Variants in PTPN20 observed in about 807,000 individuals in gnomAD.
PTPN20 encodes the protein protein tyrosine phosphatase non-receptor type 20.
A neutral mutation model predicts 35.0 loss-of-function variants in PTPN20; 9 were observed. The ratio of observed to expected loss-of-function variants is 0.26; its 90% CI spans 0.15 to 0.45. PTPN20 has a LOEUF of 0.45. Among genes scored for constraint, PTPN20 ranks in the 20% least tolerant of loss-of-function variants. PTPN20 has a pLI of 1.00. For synonymous variants in PTPN20, 32 were observed against 100.2 expected (o/e 0.32, Z 4.06); for missense variants, 111 against 312.5 (o/e 0.36, Z 4.86).
intron 5 of PTPN20, among the ~76,000 whole-genome samples, chr10:46,954,385 C>T (rs1366004060): frequency 2.7e-5 from 4 of 149,240 alleles, no homozygotes; most frequent in Non-Finnish European, 5.9e-5. Flanking sequence ...CAAATACGGC[C>T]ACATATGGGC....
rs200154793 is a variant in PTPN20, at chr10:46,920,538, G to A, written c.-124+9037G>A. On this transcript the variant is annotated intron_variant, in intron 1 of 10. Transcript: ENST00000374339. ...AGACAATTAAAGACAACCCTCCAGA[G>A]CAGAGGGTGCTGGGGGCAGGGTTCA... Among the ~76,000 whole-genome samples, 787 of 149,812 alleles carry A rather than the reference G, an allele frequency of 5.3e-3. 11 individuals carry two copies. In the East Asian group the frequency reaches 0.11, roughly 20 times the overall value.
At chr10:47,003,394 A>G (rs989500506), downstream of PTPN20, among the ~76,000 whole-genome samples, 104 of 152,228 alleles carry the variant, frequency 6.8e-4, 1 homozygote, top group African/African-American at 2.4e-3. Context: ...CAAAAGTGGA[A>G]TAATTGCTGT....
chr10:46,950,785 T>C (rs2046402474), intron 5 of PTPN20, among the ~76,000 whole-genome samples: 2 of 152,058 alleles, frequency 1.3e-5, no homozygotes, highest in South Asian at 4.1e-4. Context: ...TATCTAAGAA[T>C]ACACAAAGAT....
chr10:46,996,925 T>G (rs982818348), intron 9 of PTPN20, among the ~76,000 whole-genome samples: 3 of 152,200 alleles, frequency 2.0e-5, no homozygotes, highest in Non-Finnish European at 4.4e-5. Context: ...TCCCACGTTA[T>G]TCTCCTTTTT....
chr10:46,919,174 T>A (rs1358258144), intron 1 of PTPN20, among the ~76,000 whole-genome samples: 3 of 152,200 alleles, frequency 2.0e-5, no homozygotes, highest in Admixed American at 6.5e-5. Context: ...TGTCTTTATA[T>A]GTACGGTGGG....
Position 46,976,384 on chromosome 10 carries a change from A to G in PTPN20, c.584-7846A>G, listed in dbSNP as rs1284328997. 3.2e-3 allele frequency among the ~76,000 whole-genome samples: 288 copies of G among 89,326 alleles called. 6 individuals are homozygous for G. Among genetic ancestry groups the G allele is most frequent in the African/African-American group, 0.01 (276 of 27,044 alleles). The allele number at this position is 89,326 out of a possible 152,430, so 58.6% of individuals were successfully genotyped here. A position where few individuals can be genotyped will look rare whatever the true frequency, so the allele number is the denominator to read the frequency against. ...GGAGATGGGTATAAGTAGTTGATGC[A>G]GTCTCAAGCTCTACTTTTTTTTTTT... On this transcript the variant is annotated intron_variant, in intron 7 of 10. Transcript: ENST00000374339.
chr10:46,994,639 GCT>G (rs1448385258), intron 9 of PTPN20, among the ~76,000 whole-genome samples: 15 of 152,148 alleles, frequency 9.9e-5, no homozygotes, highest in Admixed American at 3.9e-4. Context: ...CGGCCCTGAT[GCT>G]CTTATACCTG....
intron 4 of PTPN20, among the ~76,000 whole-genome samples, chr10:46,944,927 G>A (rs1443690961): frequency 1.4e-5 from 2 of 144,860 alleles, no homozygotes; most frequent in African/African-American, 5.5e-5. Flanking sequence ...CATGAGGGAG[G>A]TTTCCCACAA....
intron 1 of PTPN20, chr10:46,926,261 T>A: frequency 1.3e-6 from 1 of 769,270 alleles, no homozygotes; most frequent in Non-Finnish European, 1.6e-6. Flanking sequence ...TTATGAGACA[T>A]TTGTCTGGAA....
intron 9 of PTPN20, among the ~76,000 whole-genome samples, chr10:46,997,991 C>T (rs1315608285): frequency 4.6e-5 from 7 of 152,116 alleles, no homozygotes; most frequent in African/African-American, 1.7e-4. Context: ...TCATACATTA[C>T]CCATATGTAT....
intron 5 of PTPN20, chr10:46,955,026 A>G (rs2048044577): frequency 6.6e-6 from 1 of 151,480 alleles, no homozygotes; most frequent in African/African-American, 2.5e-5. Context: ...TAATCTAGAT[A>G]TGATTTAAAG....
intron 1 of PTPN20, among the ~76,000 whole-genome samples, chr10:46,928,301 A>G (rs2038342943): frequency 6.6e-6 from 1 of 151,990 alleles, no homozygotes; most frequent in Non-Finnish European, 1.5e-5. Context: ...TAATGTTTAA[A>G]CTTGCATTAA....
chr10:46,985,488 TTTAAG>T (rs2056733265), intron 8 of PTPN20, among the ~76,000 whole-genome samples: 3 of 141,786 alleles, frequency 2.1e-5, no homozygotes. Flanking sequence ...TAAGTTTAAA[TTTAAG>T]TTATTTAAAT....
chr10:46,940,694 C>T lies in PTPN20; in HGVS notation c.106C>T (p.Gln36Ter). The T allele has an allele frequency of 6.2e-7, 1 of 1,610,918 alleles. No individual in the cohort carries two copies. Among genetic ancestry groups the T allele is most frequent in the Non-Finnish European group, 8.5e-7 (1 of 1,179,554 alleles). Residue 36 changes from glutamine to a stop codon, truncating the protein, a stop_gained, in exon 3 of 11, where the codon CAG becomes TAG. Coordinates refer to ENST00000374339, the MANE Select transcript of PTPN20 (RefSeq NM_001042357.5). LOFTEE classifies it high-confidence loss of function. ...CAGGGAGACTTTGCCTTCATCAAGT[C>T]AGGAAAACACACCTAGATCAAAGGT... is the stretch of plus-strand genomic sequence containing the variant. The part of the protein sequence containing the change: ...NFRETLPSSS[Q>*]ENTPRSKVFE...
At chr10:46,949,355 A>C (rs1186285797) in intron 5 of PTPN20, among the ~76,000 whole-genome samples, 1 of 152,234 alleles carries the variant, frequency 6.6e-6, no homozygotes, top group African/African-American at 2.4e-5. Flanking sequence ...AGCTATCAGC[A>C]GTGCATTACA....
Position 46,932,508 on chromosome 10 carries a change from A to G in PTPN20, c.9A>G (p.Ser3=). The G allele has an allele frequency of 6.2e-7, 1 of 1,611,998 alleles. No individual in the cohort carries two copies. The highest frequency in any genetic ancestry group is 8.5e-7 in the Non-Finnish European group (1 of 1,179,884). The change falls in exon 2 of 11, where the codon TCA becomes TCG. Residue 3 remains serine, a synonymous_variant. Coordinates refer to ENST00000374339, the MANE Select transcript of PTPN20 (RefSeq NM_001042357.5). ...TAGGGGATGGGAACAACATGTCTTC[A>G]CCTAGGGACTTTAGAGCAGAGCCTG... MS[S]PRDFRAEPVN... is the part of the protein sequence containing the mutation.
rs1258189914 is a variant in PTPN20 at position 46,932,520 on chromosome 10, T to C, written c.21T>C (p.Phe7=). Residue 7 remains phenylalanine, a synonymous_variant, in exon 2 of 11, where the codon TTT becomes TTC. Transcript: ENST00000374339. ...ACAACATGTCTTCACCTAGGGACTT[T>C]AGAGCAGAGCCTGGTAGGTGCATCA... The part of the protein sequence containing the change: MSSPRD[F]RAEPVNDYEG... The C allele has an allele frequency of 1.2e-6, 2 of 1,611,920 alleles. No homozygotes were observed. The highest frequency in any genetic ancestry group is 2.2e-5 in the East Asian group (1 of 44,856).
chr10:46,986,304 A>G lies in PTPN20; in HGVS notation c.919-1036A>G, dbSNP rs1236365752. 2.1e-5 allele frequency among the ~76,000 whole-genome samples: 3 copies of G among 142,656 alleles called. 1 individual carries two copies. The highest frequency in any genetic ancestry group is 4.5e-5 in the Non-Finnish European group (3 of 67,160). 93.6% of individuals were successfully genotyped at this position (142,656 alleles called of 152,430 possible). On this transcript the variant is annotated intron_variant, in intron 8 of 10. Transcript: ENST00000374339. ...GGCACAAAATAATATTTGGCCTAGTATCTGGATACCAGGGCTCAGCCAAGT... is the reference window on the plus strand; with the variant it reads ...GGCACAAAATAATATTTGGCCTAGTGTCTGGATACCAGGGCTCAGCCAAGT...
intron 2 of PTPN20, 50 bp downstream of exon 2, chr10:46,932,583 G>C (rs2040078844): frequency 1.2e-5 from 19 of 1,608,332 alleles, no homozygotes; most frequent in Admixed American, 1.7e-5. Flanking sequence ...GGAGCTACAG[G>C]AGTGCCTCTC....
Sources: allele counts gnomAD v4.1 joint callset (sites outside exome capture counted in the v4.1 genomes callset), GRCh38; gene constraint gnomAD v4.1.1; transcripts MANE v1.5; gene names NCBI Gene and HGNC (gene_info 2026-07-23, HGNC 2026-07-21).